Variants in CD1B observed in about 807,000 individuals in gnomAD.
CD1B encodes CD1b molecule.
Under a neutral mutation model 39.8 loss-of-function variants are expected in CD1B, and 43 were observed. That is an observed-to-expected ratio of 1.08 (90% confidence interval 0.85 to 1.39). CD1B has a LOEUF of 1.39. Among genes scored for constraint, CD1B ranks in the 40% most tolerant of loss-of-function variants. CD1B has a pLI of 0.00. For synonymous variants in CD1B, 192 were observed against 152.5 expected, an observed-to-expected ratio of 1.26 and a Z score of -1.91; for missense variants, 495 against 403.8, an observed-to-expected ratio of 1.23 and a Z score of -1.94.
the CD1B span, among the ~76,000 whole-genome samples, chr1:158,322,560 AT>A: frequency 6.6e-6 from 1 of 152,162 alleles, no homozygotes; most frequent in East Asian, 1.9e-4. Flanking sequence ...ATGAGCTACC[AT>A]GCCTGGCCTG....
chr1:158,289,858 T>A, the CD1B span: 1 of 512,698 alleles, frequency 2.0e-6, no homozygotes. Flanking sequence ...GAGAAGAGAA[T>A]AACTTTAGTT....
At chr1:158,325,813 T>C (rs1366638250), downstream of CD1B, among the ~76,000 whole-genome samples, 1 of 152,202 alleles carries the variant, frequency 6.6e-6, no homozygotes, top group Non-Finnish European at 1.5e-5. Context: ...CACACTGTTG[T>C]GCCACCTTCA....
At chr1:158,319,266 C>G in the CD1B span, among the ~76,000 whole-genome samples, 20 of 151,922 alleles carry the variant, frequency 1.3e-4, no homozygotes, top group Non-Finnish European at 2.9e-5. Flanking sequence ...TGTTTTCCAA[C>G]TTGGTTCCAT....
chr1:158,309,631 C>G, the CD1B span, among the ~76,000 whole-genome samples: 1 of 152,090 alleles, frequency 6.6e-6, no homozygotes, highest in Non-Finnish European at 1.5e-5. Flanking sequence ...CACATATACA[C>G]CATGGAATAC....
chr1:158,314,472 T>C, the CD1B span, among the ~76,000 whole-genome samples: 1 of 152,166 alleles, frequency 6.6e-6, no homozygotes, highest in Non-Finnish European at 1.5e-5. Flanking sequence ...TGTTTTTACA[T>C]TTATCGTTGC....
At chr1:158,318,024 G>A in the CD1B span, among the ~76,000 whole-genome samples, 7 of 152,228 alleles carry the variant, frequency 4.6e-5, no homozygotes, top group Non-Finnish European at 8.8e-5. Context: ...TGTGGTCTGA[G>A]AGATAGTTTG....
At chr1:158,326,370 T>G (rs115692090), downstream of CD1B, among the ~76,000 whole-genome samples, 1,642 of 152,290 alleles carry the variant, frequency 0.011, 29 homozygotes, top group African/African-American at 0.037. Flanking sequence ...TGGATGATTT[T>G]ACAAGAAGAA....
At chr1:158,295,984 G>GT in the CD1B span, among the ~76,000 whole-genome samples, 3 of 152,158 alleles carry the variant, frequency 2.0e-5, no homozygotes, top group Admixed American at 2.0e-4. Context: ...TAGCCTACAT[G>GT]CGTGCATGTA....
chr1:158,308,905 C>G, the CD1B span, among the ~76,000 whole-genome samples: 2,694 of 152,278 alleles, frequency 0.018, 83 homozygotes, highest in African/African-American at 0.062. Flanking sequence ...CAATACCATT[C>G]AGGACATAGG....
Position 158,329,465 on chromosome 1 carries a change from C to T in CD1B, c.791G>A (p.Arg264Gln), listed in dbSNP as rs753418157. The T allele has an allele frequency of 1.4e-5, 22 of 1,614,146 alleles. No individual in the cohort carries two copies. Among genetic ancestry groups the T allele is most frequent in the East Asian group, 2.2e-5 (1 of 44,870 alleles). ...CCCATCTGCCACATCCAGGGTTGCT[C>T]GGAGATACCATGTCCAGTTAGCATT... ...LPNANWTWYL[R>Q]ATLDVADGEA... The change falls in exon 4 of 6, where the codon CGA (arginine) becomes CAA (glutamine). Residue 264 changes from arginine to glutamine, a missense_variant. Transcript: ENST00000368168.
chr1:158,292,171 T>C, the CD1B span: 1 of 1,614,210 alleles, frequency 6.2e-7, no homozygotes, highest in Non-Finnish European at 8.5e-7. Flanking sequence ...TTCAACGGAT[T>C]AGATTTACTG....
the CD1B span, among the ~76,000 whole-genome samples, chr1:158,286,064 T>G: frequency 6.6e-6 from 1 of 151,938 alleles, no homozygotes; most frequent in Non-Finnish European, 1.5e-5. Context: ...AGAGTGGTCT[T>G]AGGGAAGTGA....
the CD1B span, chr1:158,292,690 T>G: frequency 1.9e-6 from 3 of 1,614,110 alleles, no homozygotes; most frequent in South Asian, 2.2e-5. Context: ...CAAAGCCTGT[T>G]TGGGTGACAT....
At chr1:158,299,412 T>C in the CD1B span, among the ~76,000 whole-genome samples, 1 of 152,186 alleles carries the variant, frequency 6.6e-6, no homozygotes, top group Non-Finnish European at 1.5e-5. Context: ...CTGGATTTTG[T>C]TTGCCAGTAT....
rs747465674 is a variant in CD1B at position 158,329,840 on chromosome 1, A to G, written c.607+12T>C. 7.5e-6 allele frequency: 12 copies of G among 1,608,060 alleles called. No homozygotes were observed. Among genetic ancestry groups the G allele is most frequent in the Non-Finnish European group, 1.0e-5 (12 of 1,176,792 alleles). Reference sequence around the variant, plus strand: ...AGGAGGTGGTGGGAAGTGAAATAACAGCAGGACTAACCTTGTCTTTGCAGA... The same window carrying G: ...AGGAGGTGGTGGGAAGTGAAATAACGGCAGGACTAACCTTGTCTTTGCAGA... On this transcript the variant is annotated intron_variant, in intron 3 of 5. Coordinates refer to ENST00000368168, the MANE Select transcript of CD1B (RefSeq NM_001764.3).
chr1:158,319,693 C>G, the CD1B span, among the ~76,000 whole-genome samples: 1 of 152,212 alleles, frequency 6.6e-6, no homozygotes, highest in African/African-American at 2.4e-5. Flanking sequence ...CAGCTTTGTT[C>G]CATTGCTGGT....
At chr1:158,297,958 A>T in the CD1B span, among the ~76,000 whole-genome samples, 536 of 151,584 alleles carry the variant, frequency 3.5e-3, 4 homozygotes, top group African/African-American at 0.012. Context: ...ACAAAAAAAA[A>T]AAAAATAAAC....
chr1:158,316,170 A>G, the CD1B span, among the ~76,000 whole-genome samples: 2 of 151,966 alleles, frequency 1.3e-5, no homozygotes, highest in Non-Finnish European at 2.9e-5. Context: ...TGAACTAAAA[A>G]TAGTTTTTTC....
chr1:158,308,514 C>A, the CD1B span, among the ~76,000 whole-genome samples: 1 of 152,188 alleles, frequency 6.6e-6, no homozygotes, highest in African/African-American at 2.4e-5. Flanking sequence ...AAAGAGCCCG[C>A]ATTGCCAAGT....
Sources: gnomAD v4.1 joint callset for allele counts (sites outside exome capture counted in the v4.1 genomes callset) on GRCh38, gnomAD v4.1.1 for gene constraint, MANE v1.5 for transcripts, NCBI Gene and HGNC (gene_info 2026-07-23, HGNC 2026-07-21) for gene names.